Variants in CSMD1 observed in about 807,000 individuals in gnomAD.
CSMD1 encodes CUB and sushi domain-containing protein 1.
CSMD1 carries 213 observed loss-of-function variants against 417.5 expected under a neutral mutation model. The observed-to-expected ratio is 0.51, with a 90% CI of 0.46 to 0.57. The LOEUF (loss-of-function observed/expected upper bound fraction) is 0.57, where lower values mean the gene tolerates loss of function less well. CSMD1 is among the 20% of genes least tolerant of loss of function. CSMD1 has a pLI of 0.00. For synonymous variants in CSMD1, 2,862 were observed against 1,736.8 expected (o/e 1.65, Z -16.11); for missense variants, 6,923 against 4,529.7 (o/e 1.53, Z -15.17).
chr8:3,644,311 T>C (rs1797464061), intron 7 of CSMD1, among the ~76,000 whole-genome samples: 1 of 152,236 alleles, frequency 6.6e-6, no homozygotes, highest in African/African-American at 2.4e-5. Flanking sequence ...TCAATTTTGC[T>C]GAAAGCATAG....
intron 1 of CSMD1, among the ~76,000 whole-genome samples, chr8:4,641,714 C>T (rs926751079): frequency 2.0e-5 from 3 of 152,028 alleles, no homozygotes; most frequent in Admixed American, 6.6e-5. Flanking sequence ...GTATGGTGAT[C>T]GAGTCATAAC....
chr8:4,895,716 T>C (rs184352594), intron 1 of CSMD1, among the ~76,000 whole-genome samples: 4 of 152,036 alleles, frequency 2.6e-5, no homozygotes, highest in Non-Finnish European at 5.9e-5. Flanking sequence ...TCCTCAGTCT[T>C]CAAACCTACA....
intron 5 of CSMD1, among the ~76,000 whole-genome samples, chr8:3,933,341 C>T (rs941508760): frequency 1.3e-5 from 2 of 152,080 alleles, no homozygotes; most frequent in Admixed American, 6.6e-5. Context: ...TTACTTGAAC[C>T]ATTAAGCTGT....
At chr8:3,987,251 C>A (rs1814404169) in intron 5 of CSMD1, among the ~76,000 whole-genome samples, 2 of 152,202 alleles carry the variant, frequency 1.3e-5, no homozygotes, top group Admixed American at 6.5e-5. Context: ...TTCCCATGCT[C>A]AAAGGCTACA....
chr8:3,567,521 G>T (rs1243954604), intron 10 of CSMD1, among the ~76,000 whole-genome samples: 1 of 148,950 alleles, frequency 6.7e-6, no homozygotes, highest in Admixed American at 6.7e-5. Flanking sequence ...GGAGGGGGAA[G>T]GGGATGGGGG....
At chr8:4,309,830 A>G (rs757974457) in intron 3 of CSMD1, among the ~76,000 whole-genome samples, 3 of 152,184 alleles carry the variant, frequency 2.0e-5, no homozygotes, top group Non-Finnish European at 4.4e-5. Flanking sequence ...TTCATTTTAA[A>G]TATAGCTGTC....
At position 3,467,311 on chromosome 8, in the gene CSMD1, C is replaced by T. The variant is rs367856220; in HGVS notation, c.1561+1401G>A. Among the ~76,000 whole-genome samples the T allele has an allele frequency of 6.6e-5, 10 of 152,272 alleles. No individual in the cohort carries two copies. In the South Asian group the frequency reaches 1.9e-3, roughly 28 times the overall value. ...TGAGATGAATTTACTGCAATTTGCC[C>T]TGTTGGGAAGTGTCTGGTATTTCAC... On this transcript the variant is annotated intron_variant, in intron 12 of 69. Transcript: ENST00000635120.
intron 1 of CSMD1, among the ~76,000 whole-genome samples, chr8:4,755,678 T>C (rs4875115): frequency 0.098 from 14,993 of 152,236 alleles, 895 homozygotes; most frequent in East Asian, 0.32. Context: ...TAGTTTTCAA[T>C]AATTCGCAGT....
intron 1 of CSMD1, among the ~76,000 whole-genome samples, chr8:4,641,049 C>CAT (rs141969306): frequency 0.012 from 1,846 of 149,498 alleles, 16 homozygotes; most frequent in African/African-American, 0.018. Flanking sequence ...ATTTCAATTT[C>CAT]ATATATATAT....
intron 2 of CSMD1, among the ~76,000 whole-genome samples, chr8:4,451,050 G>C (rs138830259): frequency 6.6e-6 from 1 of 152,112 alleles, no homozygotes; most frequent in African/African-American, 2.4e-5. Context: ...AGTGAATTCT[G>C]CACTGCTCAT....
intron 3 of CSMD1, among the ~76,000 whole-genome samples, chr8:4,110,768 C>T (rs1316162457): frequency 6.6e-6 from 1 of 152,068 alleles, no homozygotes; most frequent in African/African-American, 2.4e-5. Context: ...AGATTACAGA[C>T]ATTCAAACGA....
intron 3 of CSMD1, among the ~76,000 whole-genome samples, chr8:4,064,709 C>G (rs1272184699): frequency 6.6e-6 from 1 of 152,196 alleles, no homozygotes; most frequent in Non-Finnish European, 1.5e-5. Context: ...GTTGGTCACC[C>G]CCAGTATCCG....
intron 5 of CSMD1, among the ~76,000 whole-genome samples, chr8:3,788,349 T>A (rs1399324066): frequency 6.6e-6 from 1 of 152,188 alleles, no homozygotes; most frequent in Non-Finnish European, 1.5e-5. Context: ...CCCTGAGGTG[T>A]GCAGCCCATG....
At chr8:4,809,610 T>A (rs181717119) in intron 1 of CSMD1, among the ~76,000 whole-genome samples, 5 of 152,296 alleles carry the variant, frequency 3.3e-5, no homozygotes, top group Admixed American at 6.5e-5. Flanking sequence ...AGCTGTGCTC[T>A]CCAGTAGAAA....
chr8:4,364,275 A>T (rs948017676), intron 3 of CSMD1, among the ~76,000 whole-genome samples: 9 of 152,198 alleles, frequency 5.9e-5, no homozygotes, highest in Admixed American at 2.6e-4. Context: ...AAGGATTACA[A>T]CTTTCTTTAA....
At chr8:3,295,982 A>C (rs1340216977) in intron 25 of CSMD1, among the ~76,000 whole-genome samples, 1 of 152,094 alleles carries the variant, frequency 6.6e-6, no homozygotes, top group Non-Finnish European at 1.5e-5. Flanking sequence ...CGTGTTGTAC[A>C]GGGAAGAGAT....
intron 11 of CSMD1, among the ~76,000 whole-genome samples, chr8:3,487,961 T>C (rs974972193): frequency 2.0e-4 from 31 of 152,144 alleles, no homozygotes; most frequent in Middle Eastern, 3.4e-3. Flanking sequence ...GTGTATTTTA[T>C]GAGTAATTTA....
intron 3 of CSMD1, among the ~76,000 whole-genome samples, chr8:4,192,427 G>T (rs1368005184): frequency 6.6e-6 from 1 of 152,046 alleles, no homozygotes; most frequent in East Asian, 1.9e-4. Context: ...GCCACCATCA[G>T]AATTATACCT....
At position 3,899,165 on chromosome 8, in the gene CSMD1, A is replaced by C. The variant is rs572841126; in HGVS notation, c.818+98738T>G. On this transcript the variant is annotated intron_variant, in intron 5 of 69. Transcript: ENST00000635120. ...GACACAAAGATTGCCAGTACTGTCA[A>C]AGGTGCTTACGGCCTAGGACAGGAG... 1.8e-3 allele frequency among the ~76,000 whole-genome samples: 267 copies of C among 152,322 alleles called. 2 individuals carry two copies. The highest frequency in any genetic ancestry group is 1.6e-3 in the Non-Finnish European group (112 of 68,036).
Sources: allele counts gnomAD v4.1 joint callset (sites outside exome capture counted in the v4.1 genomes callset), GRCh38; gene constraint gnomAD v4.1.1; transcripts MANE v1.5; gene names NCBI Gene and HGNC (gene_info 2026-07-23, HGNC 2026-07-21).